Variants in NUP155 observed in about 807,000 individuals in gnomAD.
NUP155 encodes the protein nuclear pore complex protein Nup155.
NUP155 carries 71 observed loss-of-function variants against 180.4 expected under a neutral mutation model. The ratio of observed to expected loss-of-function variants is 0.39; its 90% CI spans 0.33 to 0.48. The LOEUF is 0.48. Among genes scored for constraint, NUP155 ranks in the 20% least tolerant of loss-of-function variants. NUP155 has a pLI of 0.91. For missense variants in NUP155, 1,553 were observed against 1,648.9 expected (o/e 0.94, Z 1.01); for synonymous variants, 582 against 559.5 (o/e 1.04, Z -0.57).
At chr5:37,347,051 A>C (rs1746137642) in intron 9 of NUP155, among the ~76,000 whole-genome samples, 1 of 152,034 alleles carries the variant, frequency 6.6e-6, no homozygotes, top group African/African-American at 2.4e-5. Flanking sequence ...AACACGGTGA[A>C]GCCCTGTCTC....
At chr5:37,363,112 A>G (rs1747326397) in intron 3 of NUP155, among the ~76,000 whole-genome samples, 2 of 152,110 alleles carry the variant, frequency 1.3e-5, no homozygotes, top group Non-Finnish European at 2.9e-5. Context: ...GGGTTTCTCC[A>G]TGTTGGCCAG....
chr5:37,301,641 T>G, intron 29 of NUP155, 91 bp from the exon 30 acceptor site: 1 of 810,486 alleles, frequency 1.2e-6, no homozygotes, highest in South Asian at 1.4e-5. Context: ...GACTTTAAGT[T>G]TGCTAAAATA....
intron 25 of NUP155, among the ~76,000 whole-genome samples, chr5:37,306,054 G>C (rs1187546997): frequency 6.6e-6 from 1 of 152,090 alleles, no homozygotes; most frequent in East Asian, 1.9e-4. Context: ...AGAAGTGTTT[G>C]GTTAAACATT....
At chr5:37,327,253 GTTAA>G (rs1744661497) in intron 18 of NUP155, 4 of 281,120 alleles carry the variant, frequency 1.4e-5, no homozygotes, top group Admixed American at 1.0e-4. Context: ...TACAAAACGT[GTTAA>G]TTGATTACTT....
In NUP155 at chr5:37,310,732, C is replaced by T; in HGVS notation, c.2448G>A (p.Glu816=). 7 of 1,613,344 alleles carry T rather than the reference C, an allele frequency of 4.3e-6. No homozygotes were observed. The highest frequency in any genetic ancestry group is 5.9e-6 in the Non-Finnish European group (7 of 1,179,552). ...IVAELQKELQ[E]QLKITTFKDL... ...CTTTAAAGGTGGTGATCTTCAGCTG[C>T]TCTTGAAGTTCCTAGGAGCATAAAA... The change falls in exon 23 of 35, where the codon GAG becomes GAA. Residue 816 remains glutamate, a synonymous_variant. Transcript: ENST00000231498.
At chr5:37,307,535 T>C (rs971146508) in intron 24 of NUP155, 103 bp from the exon 25 acceptor site, 4 of 1,061,710 alleles carry the variant, frequency 3.8e-6, no homozygotes, top group African/African-American at 3.1e-5. Context: ...ATGTCTCTAC[T>C]GTACAATAGT....
chr5:37,335,647 A>G (rs1745282225), intron 12 of NUP155, among the ~76,000 whole-genome samples: 1 of 151,954 alleles, frequency 6.6e-6, no homozygotes, highest in Admixed American at 6.6e-5. Flanking sequence ...AAACCATATA[A>G]TAACATTTAA....
At chr5:37,342,518 T>C (rs769245824) in intron 10 of NUP155, 31 bp downstream of exon 10, 7 of 1,300,274 alleles carry the variant, frequency 5.4e-6, no homozygotes, top group African/African-American at 2.9e-5. Flanking sequence ...GTTGTAACAG[T>C]AATAGCAGAT....
At chr5:37,320,892 T>G (rs532930060) in intron 20 of NUP155, among the ~76,000 whole-genome samples, 1 of 152,326 alleles carries the variant, frequency 6.6e-6, no homozygotes, top group East Asian at 1.9e-4. Context: ...GAGATGCATG[T>G]CTGTCAGAAT....
At chr5:37,366,959 C>A (rs965162771) in intron 1 of NUP155, among the ~76,000 whole-genome samples, 4 of 151,966 alleles carry the variant, frequency 2.6e-5, no homozygotes, top group African/African-American at 7.2e-5. Context: ...CGGTCTCAAT[C>A]TCTTGACCTC....
rs1204054445 is a variant in NUP155, at chr5:37,290,939, C to G, written c.*961G>C. The G allele has an allele frequency of 6.6e-6, 1 of 152,182 alleles. No individual in the cohort carries two copies. Among genetic ancestry groups the G allele is most frequent in the Non-Finnish European group, 1.5e-5 (1 of 68,062 alleles). The allele number at this position is 152,182 out of a possible 1,614,324, so 9.4% of individuals were successfully genotyped here. A position where few individuals can be genotyped will look rare whatever the true frequency, so the allele number is the denominator to read the frequency against. On this transcript the variant is annotated 3_prime_UTR_variant, in exon 35 of 35. Coordinates refer to ENST00000231498, the MANE Select transcript of NUP155 (RefSeq NM_153485.3). ...GGTTTGGAGCACATACTTTGAGAAC[C>G]ACTGCTCTAATGGAATCAGTAGTCA...
At chr5:37,303,669 G>A (rs558570793) in intron 27 of NUP155, among the ~76,000 whole-genome samples, 15 of 152,218 alleles carry the variant, frequency 9.9e-5, no homozygotes, top group African/African-American at 2.6e-4. Flanking sequence ...TAGTAGGCTG[G>A]GCATGGCGAC....
intron 5 of NUP155, 28 bp downstream of exon 5, chr5:37,352,709 A>G: frequency 8.1e-6 from 12 of 1,485,480 alleles, no homozygotes; most frequent in Non-Finnish European, 1.1e-5. Flanking sequence ...TATTATTTTA[A>G]AAAACGTTAA....
At chr5:37,332,168 CAAAAAAAAAA>C (rs11305356) in intron 13 of NUP155, among the ~76,000 whole-genome samples, 7 of 100,128 alleles carry the variant, frequency 7.0e-5, no homozygotes, top group African/African-American at 2.2e-4. Flanking sequence ...TCAATTTAGG[CAAAAAAAAAA>C]AAAAAAAAAG....
intron 21 of NUP155, among the ~76,000 whole-genome samples, chr5:37,314,855 A>G (rs1476126571): frequency 6.6e-6 from 1 of 152,196 alleles, no homozygotes; most frequent in African/African-American, 2.4e-5. Flanking sequence ...AAAAGAATTT[A>G]CAAAATGATG....
chr5:37,365,752 T>TACACACACACACACACACAC (rs372031424), intron 1 of NUP155, among the ~76,000 whole-genome samples: 3 of 37,890 alleles, frequency 7.9e-5, no homozygotes, highest in African/African-American at 3.2e-4. Context: ...TATATATATA[T>TACACACACACACACACACAC]ACACACACAC....
chr5:37,331,828 G>T, intron 13 of NUP155, 33 bp from the exon 14 acceptor site: 1 of 1,268,934 alleles, frequency 7.9e-7, no homozygotes. Flanking sequence ...ATGAACAAGA[G>T]ATTTACCAAG....
At chr5:37,303,057 T>A in intron 28 of NUP155, 149 bp from the exon 29 acceptor site, 2 of 1,079,762 alleles carry the variant, frequency 1.9e-6, no homozygotes, top group East Asian at 5.1e-5. Context: ...AAAAAAAATC[T>A]ATTTTAGATT....
At chr5:37,352,882 A>G in intron 4 of NUP155, 53 bp from the exon 5 acceptor site, 2 of 1,253,668 alleles carry the variant, frequency 1.6e-6, no homozygotes, top group Non-Finnish European at 2.3e-6. Flanking sequence ...AAGCACTAAC[A>G]GAGTAAGCTT....
Sources: allele counts gnomAD v4.1 joint callset (sites outside exome capture counted in the v4.1 genomes callset), GRCh38; gene constraint gnomAD v4.1.1; transcripts MANE v1.5; gene names NCBI Gene and HGNC (gene_info 2026-07-23, HGNC 2026-07-21).